HTT: variants seen among roughly 807,000 people sequenced by gnomAD.
HTT encodes huntingtin.
HTT carries 104 observed loss-of-function variants against 362.3 expected under a neutral mutation model. The observed-to-expected ratio is 0.29, with a 90% CI of 0.24 to 0.34. The LOEUF (loss-of-function observed/expected upper bound fraction) is 0.34. HTT is among the 10% of genes least tolerant of loss of function. The pLI, the probability that HTT is intolerant of heterozygous loss-of-function variation, is 1.00. For synonymous variants in HTT, 1,577 were observed against 1,548.7 expected, an observed-to-expected ratio of 1.02 and a Z score of -0.43; for missense variants, 3,301 against 3,928.6, an observed-to-expected ratio of 0.84 and a Z score of 4.27.
intron 37 of HTT, among the ~76,000 whole-genome samples, chr4:3,184,044 A>G (rs570597729): frequency 3.9e-5 from 6 of 152,098 alleles, no homozygotes; most frequent in Non-Finnish European, 5.9e-5. Flanking sequence ...AGTGAAGTCT[A>G]TACCATGGCG....
At chr4:3,166,647 G>A (rs148569838) in intron 29 of HTT, among the ~76,000 whole-genome samples, 1,677 of 152,338 alleles carry the variant, frequency 0.011, 30 homozygotes, top group Admixed American at 0.045. Context: ...CAGCAGTGGT[G>A]GACACCCCTC....
chr4:3,174,923 C>G (rs575359073), intron 32 of HTT, 23 bp from the exon 33 acceptor site: 2 of 1,554,486 alleles, frequency 1.3e-6, no homozygotes, highest in Admixed American at 1.9e-5. Flanking sequence ...TGGATTCTTT[C>G]TTTCTTTTTT....
chr4:3,078,446 G>C (rs3856973), intron 1 of HTT, among the ~76,000 whole-genome samples: 1 of 152,084 alleles, frequency 6.6e-6, no homozygotes, highest in Admixed American at 6.5e-5. Flanking sequence ...AGGGTTAATC[G>C]AGTGTTAACT....
chr4:3,175,130 C>G (rs1718180672), intron 33 of HTT, 23 bp downstream of exon 33: 4 of 1,593,106 alleles, frequency 2.5e-6, no homozygotes, highest in Non-Finnish European at 2.6e-6. Context: ...TATCTTTCAT[C>G]CATCATACCT....
intron 10 of HTT, among the ~76,000 whole-genome samples, chr4:3,124,545 T>G (rs535782477): frequency 6.6e-6 from 1 of 152,346 alleles, no homozygotes; most frequent in South Asian, 2.1e-4. Flanking sequence ...CTAGCTCTTG[T>G]GCCTTTGAGG....
intron 27 of HTT, among the ~76,000 whole-genome samples, chr4:3,156,755 T>C (rs1578546469): frequency 1.3e-5 from 2 of 152,346 alleles, no homozygotes; most frequent in South Asian, 4.1e-4. Flanking sequence ...CTCAGAGAGG[T>C]TCTGGAATTG....
chr4:3,168,486 A>G (rs905048195), intron 29 of HTT, among the ~76,000 whole-genome samples: 3 of 152,376 alleles, frequency 2.0e-5, no homozygotes, highest in Middle Eastern at 3.4e-3. Flanking sequence ...TAGCAACACT[A>G]GGAATAAAAA....
chr4:3,231,887 T>C (rs59588638), intron 60 of HTT, among the ~76,000 whole-genome samples: 22,266 of 152,160 alleles, frequency 0.15, 2,147 homozygotes, highest in African/African-American at 0.27. Flanking sequence ...AATAATCATT[T>C]TGAAAAGCAG....
At chr4:3,176,329 G>C (rs1718243773) in intron 33 of HTT, among the ~76,000 whole-genome samples, 1 of 152,186 alleles carries the variant, frequency 6.6e-6, no homozygotes, top group African/African-American at 2.4e-5. Flanking sequence ...GCCCGGCCTG[G>C]GGTCTGCTTT....
chr4:3,178,419 G>A lies in HTT; in HGVS notation c.4585G>A (p.Ala1529Thr). 1.2e-6 allele frequency: 2 copies of A among 1,613,822 alleles called. No individual in the cohort carries two copies. Among genetic ancestry groups the A allele is most frequent in the African/African-American group, 1.3e-5 (1 of 75,008 alleles). The change falls in exon 35 of 67, where the codon GCC becomes ACC. Residue 1529 changes from alanine to threonine, a missense_variant. Physicochemically the swap from Ala to Thr is moderately conservative, Grantham distance 58. Coordinates refer to ENST00000355072, the MANE Select transcript of HTT (RefSeq NM_001388492.1). The part of the protein sequence containing the change: ...KIIQLCDGIM[A>T]SGRKAVTHAI... ...CATTCAGCTCTGTGATGGCATCATG[G>A]CCAGTGGAAGGAAGGCTGTGACACA...
intron 21 of HTT, among the ~76,000 whole-genome samples, chr4:3,140,151 C>T (rs1217449536): frequency 1.3e-5 from 2 of 151,838 alleles, no homozygotes; most frequent in African/African-American, 4.8e-5. Context: ...ATCCCAGCTA[C>T]TCAGGAGGCT....
intron 60 of HTT, among the ~76,000 whole-genome samples, chr4:3,231,674 T>C (rs1461492609): frequency 6.6e-6 from 1 of 151,878 alleles, no homozygotes. Context: ...CAATTGAGTG[T>C]GTGGGTTCCC....
chr4:3,079,915 A>G (rs28393280), intron 1 of HTT, among the ~76,000 whole-genome samples: 10,849 of 152,228 alleles, frequency 0.071, 746 homozygotes, highest in African/African-American at 0.18. Context: ...AACCAACTGC[A>G]CTTGTTGAAC....
chr4:3,146,350 A>C (rs928410169), intron 24 of HTT, among the ~76,000 whole-genome samples: 2 of 152,222 alleles, frequency 1.3e-5, no homozygotes. Context: ...CCAACATAAT[A>C]ATATCAGGAA....
At chr4:3,168,858 CA>C (rs1382437329) in intron 29 of HTT, among the ~76,000 whole-genome samples, 1 of 152,140 alleles carries the variant, frequency 6.6e-6, no homozygotes, top group Non-Finnish European at 1.5e-5. Flanking sequence ...GCATGGGTGA[CA>C]GACTTTATAC....
At chr4:3,076,926 C>T (rs1007440077) in intron 1 of HTT, among the ~76,000 whole-genome samples, 1 of 151,932 alleles carries the variant, frequency 6.6e-6, no homozygotes, top group Non-Finnish European at 1.5e-5. Context: ...ACCTTTAATC[C>T]GAGCACTTTG....
At position 3,243,406 on chromosome 4, in the gene HTT, G is replaced by A. The variant is rs1313438114; in HGVS notation, c.*3347G>A. The A allele has an allele frequency of 6.6e-6, 1 of 152,502 alleles. No individual in the cohort carries two copies. Among genetic ancestry groups the A allele is most frequent in the East Asian group, 1.9e-4 (1 of 5,196 alleles). 9.4% of individuals were successfully genotyped at this position (152,502 alleles called of 1,614,324 possible). A position where few individuals can be genotyped will look rare whatever the true frequency, so the allele number is the denominator to read the frequency against. ...CTCCAGAGGGGTCACGTGTAGGAGT[G>A]AGAAGAAGGAAGATCTTGAGAGCTG... On this transcript the variant is annotated 3_prime_UTR_variant, in exon 67 of 67. Coordinates refer to ENST00000355072, the MANE Select transcript of HTT (RefSeq NM_001388492.1).
At chr4:3,142,126 G>T (rs751303995) in intron 22 of HTT, among the ~76,000 whole-genome samples, 1 of 152,176 alleles carries the variant, frequency 6.6e-6, no homozygotes. Flanking sequence ...TGGGTCTTGC[G>T]TGATAGATAC....
intron 39 of HTT, 124 bp from the exon 40 acceptor site, chr4:3,188,827 A>G (rs1456098265): frequency 1.3e-5 from 12 of 899,300 alleles, no homozygotes; most frequent in Non-Finnish European, 2.0e-5. Flanking sequence ...ATTTCACTTT[A>G]GCGGTTAATG....
Sources: allele counts gnomAD v4.1 joint callset (sites outside exome capture counted in the v4.1 genomes callset), GRCh38; gene constraint gnomAD v4.1.1; transcripts MANE v1.5; gene names NCBI Gene and HGNC (gene_info 2026-07-23, HGNC 2026-07-21).